MYH3: variants seen among roughly 807,000 people sequenced by gnomAD.
MYH3 encodes myosin-3.
Under a neutral mutation model 238.0 loss-of-function variants are expected in MYH3, and 130 were observed. The observed-to-expected ratio is 0.55, with a 90% confidence interval of 0.47 to 0.63. MYH3 has a LOEUF of 0.63. MYH3 is among the 30% of genes least tolerant of loss of function. MYH3 has a pLI of 0.00. For missense variants in MYH3, 1,853 were observed against 2,374.9 expected, an observed-to-expected ratio of 0.78 and a Z score of 4.57; for synonymous variants, 880 against 924.1, an observed-to-expected ratio of 0.95 and a Z score of 0.86.
chr17:10,670,728 T>C, the MYH3 span, among the ~76,000 whole-genome samples: 1 of 151,976 alleles, frequency 6.6e-6, no homozygotes, highest in Non-Finnish European at 1.5e-5. This position sits in a 1 kb window ranked among gnomAD's most constrained non-coding sequence, Gnocchi z 7.0. Context: ...GGGTATTTTT[T>C]GTGCTTATGC....
Position 10,634,875 on chromosome 17 carries a change from C to A in MYH3, c.4321G>T (p.Ala1441Ser). 1 of 1,614,140 alleles carries A rather than the reference C, an allele frequency of 6.2e-7. No individual in the cohort carries two copies. Among genetic ancestry groups the A allele is most frequent in the South Asian group, 1.1e-5 (1 of 91,082 alleles). ...TTCCTCTGCTTCTTGTCCAGAGCGG[C>A]GGCCAAGGAATTGGCTCTTTCAACA... ...VDVERANSLA[A>S]ALDKKQRNFD... The change falls in exon 31 of 41, where the codon GCC becomes TCC. Residue 1441 changes from alanine (A) to serine (S), a missense_variant. Coordinates refer to ENST00000583535, the MANE Select transcript of MYH3 (RefSeq NM_002470.4).
the MYH3 span, chr17:10,675,843 G>T: frequency 6.6e-6 from 1 of 152,136 alleles, no homozygotes; most frequent in Admixed American, 6.5e-5. Context: ...GGCTTGGCGG[G>T]GAGGGTTGTC....
intron 31 of MYH3, among the ~76,000 whole-genome samples, 157 bp downstream of exon 31, chr17:10,634,683 A>T (rs2074196468): frequency 6.6e-6 from 1 of 152,220 alleles, no homozygotes; most frequent in South Asian, 2.1e-4. Context: ...TCTGTTTTGC[A>T]GATGAGGAAA....
chr17:10,670,481 T>C, the MYH3 span, among the ~76,000 whole-genome samples: 1 of 152,200 alleles, frequency 6.6e-6, no homozygotes, highest in African/African-American at 2.4e-5. The surrounding 1 kb of genome is among the most constrained non-coding windows in gnomAD (Gnocchi z 7.0). Context: ...GTTTTGTTTG[T>C]TTGCTTGTTT....
At chr17:10,651,444 G>C in intron 5 of MYH3, 68 bp downstream of exon 5, 1 of 1,610,684 alleles carries the variant, frequency 6.2e-7, no homozygotes. Flanking sequence ...CTGGGAGTAA[G>C]GGGCAACTGC....
At chr17:10,652,862 C>T (rs956385434) in intron 3 of MYH3, among the ~76,000 whole-genome samples, 3 of 151,864 alleles carry the variant, frequency 2.0e-5, no homozygotes, top group Admixed American at 1.3e-4. Flanking sequence ...ACCTCGTGAT[C>T]CACCCGCCTC....
upstream of MYH3, among the ~76,000 whole-genome samples, chr17:10,660,376 T>C (rs760176579): frequency 6.6e-6 from 1 of 152,206 alleles, no homozygotes; most frequent in Non-Finnish European, 1.5e-5. Context: ...ACATATGTAA[T>C]ATTAAAAAAT....
intron 10 of MYH3, among the ~76,000 whole-genome samples, chr17:10,646,400 A>C (rs2074321822): frequency 6.6e-6 from 1 of 152,130 alleles, no homozygotes; most frequent in Non-Finnish European, 1.5e-5. Context: ...CCTTTTCTAA[A>C]ATCTGTTGAA....
At chr17:10,664,373 G>A in the MYH3 span, among the ~76,000 whole-genome samples, 605 of 152,218 alleles carry the variant, frequency 4.0e-3, 6 homozygotes, top group African/African-American at 0.014. Context: ...TAGCTAGTGA[G>A]TGACCGGCCA....
intron 7 of MYH3, among the ~76,000 whole-genome samples, 159 bp from the exon 8 acceptor site, chr17:10,648,808 T>C (rs2074347950): frequency 6.6e-6 from 1 of 152,140 alleles, no homozygotes; most frequent in Admixed American, 6.5e-5. Context: ...CCCGAGTACC[T>C]GGGACTACAG....
chr17:10,674,985 C>T, the MYH3 span: 2 of 152,350 alleles, frequency 1.3e-5, no homozygotes, highest in African/African-American at 4.8e-5. Flanking sequence ...CAGCAGCCAA[C>T]AAGGAATGTG....
the MYH3 span, chr17:10,672,589 C>G: frequency 6.6e-6 from 1 of 152,238 alleles, no homozygotes; most frequent in Non-Finnish European, 1.5e-5. Flanking sequence ...TACCAAGACA[C>G]AGATCATTTT....
At chr17:10,657,925 C>T (rs76898717), upstream of MYH3, among the ~76,000 whole-genome samples, 735 of 152,196 alleles carry the variant, frequency 4.8e-3, 6 homozygotes, top group African/African-American at 0.017. Flanking sequence ...TCCTATGCAA[C>T]GTTCTGTCTC....
chr17:10,633,718 G>A lies in MYH3; in HGVS notation c.4523-3C>T, dbSNP rs1034339254. On this transcript the variant is annotated splice_region_variant and splice_polypyrimidine_tract_variant and intron_variant, in intron 32 of 40. Transcript: ENST00000583535. Reference sequence around the variant, plus strand: ...TTCTGTGAGATCTGCTATCTCCTCTGTAAAGAAGTAAGTTTCAGTTGCATA... The same window carrying A: ...TTCTGTGAGATCTGCTATCTCCTCTATAAAGAAGTAAGTTTCAGTTGCATA... The A allele has an allele frequency of 6.2e-7, 1 of 1,613,752 alleles. No homozygotes were observed. Among genetic ancestry groups the A allele is most frequent in the African/African-American group, 1.3e-5 (1 of 74,946 alleles).
rs1192658336 is a variant in MYH3, at chr17:10,634,030, A to C, written c.4509T>G (p.Asn1503Lys). 1.2e-6 allele frequency: 2 copies of C among 1,614,026 alleles called. No individual in the cohort carries two copies. Residue 1503 changes from asparagine (N) to lysine (K), a missense_variant, in exon 32 of 41, where the codon AAT (asparagine) becomes AAG (lysine). By Grantham distance (94) the Asn-to-Lys change is moderately conservative. Coordinates refer to ENST00000583535, the MANE Select transcript of MYH3 (RefSeq NM_002470.4). ...CGAATAGCTTACGCTCTAAGTTCTTATTTTCCCGTTTCACAGTTTCAAGTT... is the reference window on the plus strand; with the variant it reads ...CGAATAGCTTACGCTCTAAGTTCTTCTTTTCCCGTTTCACAGTTTCAAGTT... ...LDQLETVKRE[N>K]KNLEQEIADL...
the MYH3 span, among the ~76,000 whole-genome samples, chr17:10,667,635 T>A: frequency 6.7e-6 from 1 of 149,420 alleles, no homozygotes; most frequent in African/African-American, 2.5e-5. Flanking sequence ...TGAGCCAAGA[T>A]TGTGCCACCA....
chr17:10,649,745 T>G (rs1050344098), intron 6 of MYH3, 60 bp from the exon 7 acceptor site: 2 of 1,486,078 alleles, frequency 1.3e-6, no homozygotes, highest in Admixed American at 1.7e-5. Flanking sequence ...AACAGGCTTT[T>G]CAGGATGTCA....
chr17:10,660,107 T>C (rs974160017), upstream of MYH3, among the ~76,000 whole-genome samples: 10 of 152,238 alleles, frequency 6.6e-5, no homozygotes, highest in African/African-American at 2.4e-4. Context: ...GCAGTGTGCT[T>C]CTTTGAGCCT....
chr17:10,639,027 G>C lies in MYH3; in HGVS notation c.3248+17C>G, dbSNP rs746894259. On this transcript the variant is annotated intron_variant, in intron 25 of 40. Transcript: ENST00000583535. The stretch of plus-strand genomic sequence containing the variant: ...ACAGTAACTTGCAAAATGGAAGCCA[G>C]TGGTTGAAGGGCATACTTCTTGAGC... The C allele has an allele frequency of 1.9e-5, 30 of 1,614,244 alleles. No individual in the cohort carries two copies. The South Asian group carries it at 3.1e-4, about 17-fold the overall frequency.
Sources: allele counts gnomAD v4.1 joint callset (sites outside exome capture counted in the v4.1 genomes callset), GRCh38; gene constraint gnomAD v4.1.1; non-coding constraint Gnocchi (gnomAD v3.1); transcripts MANE v1.5; gene names NCBI Gene and HGNC (gene_info 2026-07-23, HGNC 2026-07-21).